Variants in TENM4 observed in about 807,000 individuals in gnomAD.
TENM4 encodes teneurin transmembrane protein 4, also known as teneurin-4.
A neutral mutation model predicts 243.3 loss-of-function variants in TENM4; 82 were observed. That is an observed-to-expected ratio of 0.34 (90% CI 0.28 to 0.40). The LOEUF (loss-of-function observed/expected upper bound fraction) is 0.40, where lower values mean the gene tolerates loss of function less well. Among genes scored for constraint, TENM4 ranks in the 10% least tolerant of loss-of-function variants. The pLI is 1.00. For missense variants in TENM4, 3,138 were observed against 3,673.3 expected (o/e 0.85, Z 3.77); for synonymous variants, 1,412 against 1,456.3 (o/e 0.97, Z 0.69).
In TENM4 at chr11:78,871,722, T is replaced by C. The variant is rs1025561793; in HGVS notation, c.1085-8590A>G. On this transcript the variant is annotated intron_variant, in intron 9 of 33. Transcript: ENST00000278550. ...TTCCCAGGTGAAGGGAACCATCTCC[T>C]TGGGTCTAAGGTAAGGGGAATGAAC... 5.9e-5 allele frequency among the ~76,000 whole-genome samples: 9 copies of C among 152,196 alleles called. 1 individual carries two copies. Among genetic ancestry groups the C allele is most frequent in the African/African-American group, 1.9e-4 (8 of 41,448 alleles).
intron 7 of TENM4, among the ~76,000 whole-genome samples, chr11:78,894,979 TAAAA>T (rs67819510): frequency 0.017 from 1,019 of 59,454 alleles, 36 homozygotes; most frequent in African/African-American, 0.045. Context: ...GACTCGGCCT[TAAAA>T]AAAAAAAAAA....
chr11:79,259,504 T>A (rs1381238975), intron 2 of TENM4, among the ~76,000 whole-genome samples: 4 of 110,534 alleles, frequency 3.6e-5, no homozygotes, highest in African/African-American at 8.2e-5. Context: ...TATCCATGCA[T>A]CCATCCATCC....
At chr11:79,164,698 T>A (rs1447410817) in intron 3 of TENM4, among the ~76,000 whole-genome samples, 1 of 151,118 alleles carries the variant, frequency 6.6e-6, no homozygotes, top group African/African-American at 2.4e-5. Context: ...GGTATTTGAA[T>A]CATGGGGGCT....
intron 3 of TENM4, among the ~76,000 whole-genome samples, chr11:79,167,003 A>G (rs1190445925): frequency 6.6e-6 from 1 of 152,048 alleles, no homozygotes; most frequent in Non-Finnish European, 1.5e-5. Flanking sequence ...GGGAACAGGA[A>G]CTCTTAGAGG....
At chr11:79,154,163 C>T (rs1485240979) in intron 3 of TENM4, among the ~76,000 whole-genome samples, 1 of 151,554 alleles carries the variant, frequency 6.6e-6, no homozygotes, top group Non-Finnish European at 1.5e-5. Context: ...GTTTAATTGG[C>T]TCATGGTTCT....
intron 3 of TENM4, among the ~76,000 whole-genome samples, chr11:79,164,343 C>CTAGTATATATAG (rs1259787580): frequency 0.079 from 8,247 of 104,772 alleles, 906 homozygotes; most frequent in Non-Finnish European, 0.11. Flanking sequence ...TATAGATATA[C>CTAGTATATATAG]TATATAGATA....
At chr11:79,344,066 T>G (rs1857286796) in intron 1 of TENM4, among the ~76,000 whole-genome samples, 1 of 152,212 alleles carries the variant, frequency 6.6e-6, no homozygotes, top group Non-Finnish European at 1.5e-5. Context: ...CAATGAAGCA[T>G]CCCAGATCAC....
At chr11:79,177,903 C>G (rs888526388) in intron 3 of TENM4, among the ~76,000 whole-genome samples, 1 of 152,092 alleles carries the variant, frequency 6.6e-6, no homozygotes, top group African/African-American at 2.4e-5. Context: ...TTAGCTTTTC[C>G]TCTGAGATGG....
rs75835974 is a variant in TENM4 at position 78,782,917 on chromosome 11, T to C, written c.2365+3981A>G. On this transcript the variant is annotated intron_variant, in intron 16 of 33. Transcript: ENST00000278550. ...TCTTTACCCCCAGAGGAAGCTTTTG[T>C]TTAAAAATCAGGACTTCTAGGATTG... Among the ~76,000 whole-genome samples the C allele has an allele frequency of 3.1e-3, 475 of 152,316 alleles. 6 individuals are homozygous for C. Among genetic ancestry groups the C allele is most frequent in the East Asian group, 0.015 (77 of 5,182 alleles).
At chr11:79,367,345 G>A (rs1411854289) in intron 1 of TENM4, among the ~76,000 whole-genome samples, 1 of 152,134 alleles carries the variant, frequency 6.6e-6, no homozygotes, top group African/African-American at 2.4e-5. Context: ...TTTACAAGAA[G>A]CTACCACCTG....
intron 17 of TENM4, among the ~76,000 whole-genome samples, chr11:78,776,322 C>T (rs1856739097): frequency 6.6e-6 from 1 of 152,170 alleles, no homozygotes; most frequent in South Asian, 2.1e-4. Flanking sequence ...TGGTTACTTG[C>T]TAAGTGGTAG....
intron 4 of TENM4, among the ~76,000 whole-genome samples, chr11:79,086,214 C>A (rs73506617): frequency 0.025 from 3,755 of 152,302 alleles, 149 homozygotes; most frequent in African/African-American, 0.079. Context: ...TTTGGGATTG[C>A]CTTCTCCCCC....
chr11:79,234,789 G>A (rs1021997119), intron 2 of TENM4, among the ~76,000 whole-genome samples: 8 of 152,184 alleles, frequency 5.3e-5, no homozygotes, highest in African/African-American at 1.9e-4. Flanking sequence ...GCTTCCCTTA[G>A]GAAAAGAAAC....
rs1193117890 is a variant in TENM4, at chr11:78,701,622, G to T, written c.4991C>A (p.Thr1664Asn). The T allele has an allele frequency of 5.6e-6, 9 of 1,613,288 alleles. No individual in the cohort carries two copies. Among genetic ancestry groups the T allele is most frequent in the African/African-American group, 1.3e-5 (1 of 74,908 alleles). The change falls in exon 28 of 34, where the codon ACC becomes AAC. Residue 1664 changes from threonine (T) to asparagine (N), a missense_variant. Coordinates refer to ENST00000278550, the MANE Select transcript of TENM4 (RefSeq NM_001098816.3). ...MGTNSALKSV[T>N]TQGHELAMMT... ...CATGGCCAACTCGTGTCCTTGTGTG[G>T]TCACACTCTTGAGTGCACTGTTGGT...
Position 78,736,620 on chromosome 11 carries a change from T to C in TENM4, c.2876+1831A>G, listed in dbSNP as rs550104688. On this transcript the variant is annotated intron_variant, in intron 20 of 33. Coordinates refer to ENST00000278550, the MANE Select transcript of TENM4 (RefSeq NM_001098816.3). ...GTTATTTCCAGACTATATCTCTTAG[T>C]CTTATGGTTTTTCGTAAGGTACGGG... Among the ~76,000 whole-genome samples the C allele has an allele frequency of 2.6e-5, 4 of 152,268 alleles. No individual in the cohort carries two copies. In the South Asian group the frequency reaches 6.2e-4, roughly 24 times the overall value.
At chr11:79,247,155 G>A (rs979442567) in intron 2 of TENM4, among the ~76,000 whole-genome samples, 2 of 152,068 alleles carry the variant, frequency 1.3e-5, no homozygotes, top group African/African-American at 2.4e-5. Flanking sequence ...GGTGTCTCAC[G>A]CCTGTAATCC....
chr11:78,700,584 G>C (rs540579318), intron 28 of TENM4, among the ~76,000 whole-genome samples: 1 of 152,282 alleles, frequency 6.6e-6, no homozygotes, highest in South Asian at 2.1e-4. Context: ...AAAGAGCGAT[G>C]TTAGTCCATT....
chr11:78,831,782 A>G (rs998431202), intron 12 of TENM4, among the ~76,000 whole-genome samples: 4 of 152,156 alleles, frequency 2.6e-5, no homozygotes, highest in South Asian at 2.1e-4. Flanking sequence ...GCAAATCACA[A>G]TGCCTACTAT....
At chr11:78,690,827 G>T (rs1018033515) in intron 28 of TENM4, among the ~76,000 whole-genome samples, 1 of 152,158 alleles carries the variant, frequency 6.6e-6, no homozygotes, top group Non-Finnish European at 1.5e-5. Flanking sequence ...ATGGGATGGG[G>T]ATGCTGTTCT....
Sources: allele counts gnomAD v4.1 joint callset (sites outside exome capture counted in the v4.1 genomes callset), GRCh38; gene constraint gnomAD v4.1.1; transcripts MANE v1.5; gene names NCBI Gene and HGNC (gene_info 2026-07-23, HGNC 2026-07-21).